The following HELZ variants were observed in gnomAD, a reference collection of about 807,000 sequenced individuals.
HELZ encodes the protein ATP-dependent RNA helicase with zinc finger domain.
HELZ carries 23 observed loss-of-function variants against 218.2 expected under a neutral mutation model. The observed-to-expected ratio is 0.11, with a 90% confidence interval of 0.08 to 0.15. The LOEUF is 0.15. Among genes scored for constraint, HELZ ranks in the 10% least tolerant of loss-of-function variants. The pLI is 1.00. For synonymous variants in HELZ, 814 were observed against 829.4 expected (o/e 0.98, Z 0.32); for missense variants, 1,813 against 2,353.7 (o/e 0.77, Z 4.75).
rs1452852850 is a variant in HELZ at position 67,090,012 on chromosome 17, C to A, written c.5242-2931G>T. Among the ~76,000 whole-genome samples the A allele has an allele frequency of 2.0e-5, 3 of 152,040 alleles. No individual in the cohort carries two copies. In the East Asian group the frequency reaches 5.8e-4, roughly 29 times the overall value. On this transcript the variant is annotated intron_variant, in intron 31 of 32. Transcript: ENST00000358691. ...ATTCCTAATCTTAGAAGCACTAAAT[C>A]TCTCACCATTAAGTATGATGGTAGC...
intron 31 of HELZ, among the ~76,000 whole-genome samples, chr17:67,093,390 A>T (rs2036632241): frequency 6.6e-6 from 1 of 152,246 alleles, no homozygotes; most frequent in South Asian, 2.1e-4. Context: ...TTATCAAAAG[A>T]AGTTTCAGAA....
chr17:67,138,216 G>T, intron 21 of HELZ, 102 bp from the exon 22 acceptor site: 19 of 846,174 alleles, frequency 2.2e-5, no homozygotes, highest in Admixed American at 3.6e-5. Context: ...CATTTTAGCA[G>T]ATGTCATTTA....
chr17:67,106,319 T>A (rs3785576), intron 31 of HELZ, among the ~76,000 whole-genome samples: 29,885 of 140,792 alleles, frequency 0.21, 3,405 homozygotes, highest in African/African-American at 0.35. Flanking sequence ...TTATTTATTT[T>A]TTTTTTTGAG....
rs1407907068 is a variant in HELZ at position 67,073,786 on chromosome 17, T to A, written c.*4466A>T. 1 of 152,204 alleles carries A rather than the reference T, an allele frequency of 6.6e-6. No individual in the cohort carries two copies. The highest frequency in any genetic ancestry group is 6.5e-5 in the Admixed American group (1 of 15,282). 9.4% of individuals were successfully genotyped at this position (152,204 alleles called of 1,614,324 possible). A position where few individuals can be genotyped will look rare whatever the true frequency, so the allele number is the denominator to read the frequency against. On this transcript the variant is annotated 3_prime_UTR_variant, in exon 33 of 33. Transcript: ENST00000358691. ...ACAGGATGTGTTTAGTAAGATTCAC[T>A]CCTTGCAACAATGGTCTTGACATTA... is the stretch of plus-strand genomic sequence containing the variant.
At chr17:67,211,687 C>A (rs374474640) in intron 5 of HELZ, among the ~76,000 whole-genome samples, 1 of 151,926 alleles carries the variant, frequency 6.6e-6, no homozygotes, top group Admixed American at 6.6e-5. Context: ...ATGGTGAAAC[C>A]CCTTCTCTAC....
intron 3 of HELZ, among the ~76,000 whole-genome samples, chr17:67,230,433 T>C (rs1220922540): frequency 6.6e-6 from 1 of 151,898 alleles, no homozygotes; most frequent in Non-Finnish European, 1.5e-5. Flanking sequence ...CTGTCTCTAC[T>C]AAAAACACAA....
chr17:67,172,325 T>A (rs1209551888), intron 13 of HELZ, among the ~76,000 whole-genome samples: 2 of 152,184 alleles, frequency 1.3e-5, no homozygotes, highest in African/African-American at 4.8e-5. Context: ...ATTATAACCC[T>A]GTATTTATGA....
intron 9 of HELZ, among the ~76,000 whole-genome samples, chr17:67,193,442 G>A (rs1176656010): frequency 2.6e-5 from 4 of 152,032 alleles, no homozygotes; most frequent in Non-Finnish European, 4.4e-5. Flanking sequence ...CTGAGGCCAG[G>A]CACAGTGGCT....
rs1478278837 is a variant in HELZ, at chr17:67,074,707, T to C, written c.*3545A>G. 2 of 152,122 alleles carry C rather than the reference T, an allele frequency of 1.3e-5. No individual in the cohort carries two copies. Among genetic ancestry groups the C allele is most frequent in the East Asian group, 3.8e-4 (2 of 5,202 alleles). 9.4% of individuals were successfully genotyped at this position (152,122 alleles called of 1,614,324 possible). A position where few individuals can be genotyped will look rare whatever the true frequency, so the allele number is the denominator to read the frequency against. On this transcript the variant is annotated 3_prime_UTR_variant, in exon 33 of 33. Coordinates refer to ENST00000358691, the MANE Select transcript of HELZ (RefSeq NM_014877.4). ...ATGCCTCCATAAAAAAGGAGAGTAT[T>C]TTCATAAATTGGTCTTAGATGTTGC...
At position 67,070,860 on chromosome 17, in the gene HELZ, C is replaced by T. The variant is rs2035869467; in HGVS notation, c.*7392G>A. ...TACTTTGAAGAGATGAACCTGACCA[C>T]CTCAGTTTTGTACAGCTTCCCTCAG... On this transcript the variant is annotated 3_prime_UTR_variant, in exon 33 of 33. Coordinates refer to ENST00000358691, the MANE Select transcript of HELZ (RefSeq NM_014877.4). 6.6e-6 allele frequency: 1 copy of T among 152,130 alleles called. No individual in the cohort carries two copies. Among genetic ancestry groups the T allele is most frequent in the Non-Finnish European group, 1.5e-5 (1 of 68,016 alleles). 9.4% of individuals were successfully genotyped at this position (152,130 alleles called of 1,614,324 possible).
intron 5 of HELZ, among the ~76,000 whole-genome samples, chr17:67,209,455 G>A (rs554917831): frequency 1.6e-4 from 24 of 152,090 alleles, no homozygotes; most frequent in Non-Finnish European, 2.4e-4. Flanking sequence ...AAAATTAGCC[G>A]GGAATGGTGG....
At chr17:67,100,227 T>C (rs1462492342) in intron 31 of HELZ, among the ~76,000 whole-genome samples, 1 of 152,210 alleles carries the variant, frequency 6.6e-6, no homozygotes, top group Admixed American at 6.5e-5. Flanking sequence ...TCAACTAATT[T>C]AAAACAAGAG....
chr17:67,220,729 C>G (rs2040720791), intron 3 of HELZ, among the ~76,000 whole-genome samples: 1 of 152,014 alleles, frequency 6.6e-6, no homozygotes, highest in East Asian at 1.9e-4. Context: ...TGGGCTCAAG[C>G]TGTCCTCCCG....
intron 12 of HELZ, among the ~76,000 whole-genome samples, chr17:67,180,163 CT>C (rs935432596): frequency 1.3e-5 from 2 of 152,036 alleles, no homozygotes; most frequent in African/African-American, 4.8e-5. Flanking sequence ...AGATGGTCTG[CT>C]TATTAAAAAC....
Position 67,073,097 on chromosome 17 carries a change from C to T in HELZ, c.*5155G>A, listed in dbSNP as rs1388179897. 1 of 152,176 alleles carries T rather than the reference C, an allele frequency of 6.6e-6. No individual in the cohort carries two copies. Among genetic ancestry groups the T allele is most frequent in the Non-Finnish European group, 1.5e-5 (1 of 68,028 alleles). The allele number at this position is 152,176 out of a possible 1,614,324, so 9.4% of individuals were successfully genotyped here. ...AAACAGGACAGATCTGTAAATAGTACTATGTGACTTCTACTCTGTGTTGCA... is the reference window on the plus strand; with the variant it reads ...AAACAGGACAGATCTGTAAATAGTATTATGTGACTTCTACTCTGTGTTGCA... On this transcript the variant is annotated 3_prime_UTR_variant, in exon 33 of 33. Transcript: ENST00000358691.
At chr17:67,127,194 TCTTCCTCTCA>T (rs1003665770) in intron 24 of HELZ, among the ~76,000 whole-genome samples, 16 of 152,308 alleles carry the variant, frequency 1.1e-4, no homozygotes, top group African/African-American at 2.6e-4. Context: ...ATTTACTTCC[TCTTCCTCTCA>T]CTTCCTCTCA....
At chr17:67,132,218 CTGTGTGTGTGTGTG>C (rs57691319) in intron 23 of HELZ, among the ~76,000 whole-genome samples, 2 of 147,874 alleles carry the variant, frequency 1.4e-5, no homozygotes, top group Non-Finnish European at 3.0e-5. Flanking sequence ...CCTTAGGTCA[CTGTGTGTGTGTGTG>C]TGTGTGTGTG....
At chr17:67,104,066 C>A (rs1197216477) in intron 31 of HELZ, among the ~76,000 whole-genome samples, 1 of 152,104 alleles carries the variant, frequency 6.6e-6, no homozygotes, top group African/African-American at 2.4e-5. Context: ...TGATACCCAC[C>A]TCACACAATA....
At chr17:67,150,062 T>A in intron 18 of HELZ, 77 bp from the exon 19 acceptor site, 3 of 797,208 alleles carry the variant, frequency 3.8e-6, no homozygotes, top group Non-Finnish European at 6.3e-6. Flanking sequence ...TATTTTCTTT[T>A]CTGCTAAGTA....
Sources: allele counts gnomAD v4.1 joint callset (sites outside exome capture counted in the v4.1 genomes callset), GRCh38; gene constraint gnomAD v4.1.1; transcripts MANE v1.5; gene names NCBI Gene and HGNC (gene_info 2026-07-23, HGNC 2026-07-21).